Variants in SUMF1 observed in about 807,000 individuals in gnomAD.
The protein encoded by SUMF1 is sulfatase modifying factor 1, also known as formylglycine-generating enzyme.
Under a neutral mutation model 47.6 loss-of-function variants are expected in SUMF1, and 48 were observed. The ratio of observed to expected loss-of-function variants is 1.01; its 90% CI spans 0.80 to 1.28. SUMF1 has a LOEUF of 1.28. Among genes scored for constraint, SUMF1 ranks in the 50% most tolerant of loss-of-function variants. The probability of loss-of-function intolerance (pLI) is 0.00; values close to 1 mark genes in which losing one functional copy is unlikely to be tolerated. For synonymous variants in SUMF1, 230 were observed against 192.1 expected (o/e 1.20, Z -1.63); for missense variants, 571 against 485.4 (o/e 1.18, Z -1.66).
intron 8 of SUMF1, among the ~76,000 whole-genome samples, chr3:4,264,383 T>C (rs1697146604): frequency 6.6e-6 from 1 of 152,192 alleles, no homozygotes; most frequent in South Asian, 2.1e-4. Context: ...ATTATGCCTC[T>C]TCAAAATGTC....
At chr3:4,118,631 T>C (rs1693473121) in intron 8 of SUMF1, among the ~76,000 whole-genome samples, 1 of 152,152 alleles carries the variant, frequency 6.6e-6, no homozygotes, top group Non-Finnish European at 1.5e-5. Context: ...CACACCATAG[T>C]AACTACACTT....
At chr3:4,296,567 A>G (rs1268510218) in intron 8 of SUMF1, among the ~76,000 whole-genome samples, 1 of 152,088 alleles carries the variant, frequency 6.6e-6, no homozygotes, top group Non-Finnish European at 1.5e-5. Flanking sequence ...TGTGCAGGGG[A>G]ACTGCCCTTT....
intron 1 of SUMF1, among the ~76,000 whole-genome samples, chr3:4,463,618 G>A (rs554799215): frequency 6.6e-6 from 1 of 152,326 alleles, no homozygotes; most frequent in South Asian, 2.1e-4. Flanking sequence ...TTTGTAGGAG[G>A]TGGAAAGGTT....
At chr3:4,076,894 C>T (rs1446605885) in intron 8 of SUMF1, among the ~76,000 whole-genome samples, 3 of 151,994 alleles carry the variant, frequency 2.0e-5, no homozygotes, top group Non-Finnish European at 4.4e-5. Flanking sequence ...GTCCCAGCTA[C>T]TCGGGAGGCT....
At chr3:4,227,687 A>G (rs1191852589) in intron 8 of SUMF1, among the ~76,000 whole-genome samples, 1 of 152,102 alleles carries the variant, frequency 6.6e-6, no homozygotes, top group East Asian at 1.9e-4. Context: ...GGTGGAAGTC[A>G]GTCCTCAGGT....
intron 8 of SUMF1, among the ~76,000 whole-genome samples, chr3:4,102,101 C>T (rs1182830702): frequency 6.6e-6 from 1 of 152,148 alleles, no homozygotes; most frequent in Admixed American, 6.5e-5. Flanking sequence ...CCATTGGGTC[C>T]ATCCCACGAT....
intron 8 of SUMF1, among the ~76,000 whole-genome samples, chr3:4,192,485 A>G (rs576965962): frequency 2.0e-5 from 3 of 152,194 alleles, no homozygotes; most frequent in African/African-American, 7.2e-5. Context: ...ACAAACATAC[A>G]TAAATCCTCT....
intron 8 of SUMF1, among the ~76,000 whole-genome samples, chr3:4,267,969 A>AC: frequency 7.0e-6 from 1 of 143,700 alleles, no homozygotes; most frequent in Middle Eastern, 3.5e-3. Context: ...CACAATAGCA[A>AC]AGACTTGGAA....
intron 8 of SUMF1, among the ~76,000 whole-genome samples, chr3:4,209,879 T>C (rs925217112): frequency 6.6e-6 from 1 of 152,096 alleles, no homozygotes; most frequent in African/African-American, 2.4e-5. Context: ...TAAATATTCA[T>C]GGATTTTAAA....
intron 8 of SUMF1, among the ~76,000 whole-genome samples, chr3:4,109,295 C>G (rs1409871755): frequency 6.6e-5 from 10 of 152,126 alleles, no homozygotes; most frequent in Non-Finnish European, 1.5e-4. Context: ...GAGAGATCCG[C>G]TGTAAGTCTG....
intron 8 of SUMF1, among the ~76,000 whole-genome samples, chr3:4,178,256 C>T (rs1695012911): frequency 6.6e-6 from 1 of 152,144 alleles, no homozygotes; most frequent in Non-Finnish European, 1.5e-5. Context: ...AATGTTAGGC[C>T]AATATCCCCG....
At position 4,423,279 on chromosome 3, in the gene SUMF1, T is replaced by TACATACAC. The variant is rs57526958; in HGVS notation, c.520-3134_520-3133insGTGTATGT. ...CAACAAGTGAATAAAGAAACTGTGA[T>TACATACAC]ACACACACACACACACACACACACA... is the stretch of plus-strand genomic sequence containing the variant. On this transcript the variant is annotated intron_variant, in intron 3 of 8. Transcript: ENST00000272902. Among the ~76,000 whole-genome samples, 449 of 147,224 alleles carry TACATACAC rather than the reference T, an allele frequency of 3.0e-3. 3 individuals are homozygous for TACATACAC. Among genetic ancestry groups the TACATACAC allele is most frequent in the African/African-American group, 0.011 (417 of 39,508 alleles).
chr3:4,078,353 T>A (rs1423491533), intron 8 of SUMF1, among the ~76,000 whole-genome samples: 1 of 152,010 alleles, frequency 6.6e-6, no homozygotes, highest in Non-Finnish European at 1.5e-5. Context: ...TGTGAACGTA[T>A]CATCCCAGTT....
In SUMF1 at chr3:4,256,059, G is replaced by C. The variant is rs536240212; in HGVS notation, c.1014+120271C>G. ...GAAGGCAGAAATAAAGATGTTCTTT[G>C]AAACCAATGAGAACAAAGACACAAC... On this transcript the variant is annotated intron_variant and NMD_transcript_variant, in intron 8 of 12. Coordinates refer to the SUMF1 transcript ENST00000448413. Among the ~76,000 whole-genome samples, 1,243 of 150,420 alleles carry C rather than the reference G, an allele frequency of 8.3e-3. 16 individuals are homozygous for C. The highest frequency in any genetic ancestry group is 0.029 in the African/African-American group (1,188 of 40,604).
At chr3:4,375,220 G>A (rs1700290882) in intron 8 of SUMF1, among the ~76,000 whole-genome samples, 2 of 147,422 alleles carry the variant, frequency 1.4e-5, no homozygotes, top group Admixed American at 1.4e-4. Context: ...AGCATCAATT[G>A]AGCTCTGCTC....
At chr3:4,054,472 C>A (rs1695160367) in intron 9 of SUMF1, among the ~76,000 whole-genome samples, 1 of 152,192 alleles carries the variant, frequency 6.6e-6, no homozygotes, top group Non-Finnish European at 1.5e-5. Flanking sequence ...GGCTCTCTGG[C>A]ATCAGTCTCC....
chr3:4,101,857 T>C (rs1693040997), intron 8 of SUMF1, among the ~76,000 whole-genome samples: 1 of 152,132 alleles, frequency 6.6e-6, no homozygotes, highest in South Asian at 2.1e-4. Context: ...TGAGACTGGG[T>C]AATTTATAAA....
At chr3:4,146,312 G>A (rs575726229) in intron 8 of SUMF1, among the ~76,000 whole-genome samples, 3 of 152,012 alleles carry the variant, frequency 2.0e-5, no homozygotes, top group Non-Finnish European at 2.9e-5. Context: ...ACAAAAATGG[G>A]GAGCTTTCAG....
At chr3:4,326,616 C>A (rs561230781) in intron 8 of SUMF1, among the ~76,000 whole-genome samples, 33 of 149,460 alleles carry the variant, frequency 2.2e-4, no homozygotes, top group African/African-American at 6.5e-4. Context: ...CTCCTGGATT[C>A]AAGCAATACT....
Sources: allele counts gnomAD v4.1 joint callset (sites outside exome capture counted in the v4.1 genomes callset), GRCh38; gene constraint gnomAD v4.1.1; transcripts MANE v1.5; gene names NCBI Gene and HGNC (gene_info 2026-07-23, HGNC 2026-07-21).